SNX18: variants seen among roughly 807,000 people sequenced by gnomAD.
SNX18 encodes sorting nexin 18.
Under a neutral mutation model 48.7 loss-of-function variants are expected in SNX18, and 35 were observed. The ratio of observed to expected loss-of-function variants is 0.72; its 90% CI spans 0.55 to 0.95. The LOEUF (loss-of-function observed/expected upper bound fraction) is 0.95, where lower values mean the gene tolerates loss of function less well. Among genes scored for constraint, SNX18 ranks in the 40% least tolerant of loss-of-function variants. The pLI is 0.00. For synonymous variants in SNX18, 492 were observed against 384.7 expected (o/e 1.28, Z -3.26); for missense variants, 824 against 871.0 (o/e 0.95, Z 0.68).
At chr5:54,527,758 T>A (rs1258972165) in intron 1 of SNX18, among the ~76,000 whole-genome samples, 1 of 152,228 alleles carries the variant, frequency 6.6e-6, no homozygotes, top group Non-Finnish European at 1.5e-5. Context: ...AGCTGTTAAC[T>A]ACTGTTTTAT....
At chr5:54,538,624 A>G (rs763064537) in intron 1 of SNX18, among the ~76,000 whole-genome samples, 7 of 152,218 alleles carry the variant, frequency 4.6e-5, no homozygotes, top group Non-Finnish European at 1.0e-4. Context: ...GAAAAGATGT[A>G]TATATTTTAA....
chr5:54,611,884 T>C, the SNX18 span, among the ~76,000 whole-genome samples: 6 of 151,100 alleles, frequency 4.0e-5, no homozygotes, highest in South Asian at 2.1e-4. Flanking sequence ...TCTTCTTCTT[T>C]TTTTTTAATT....
In SNX18 at chr5:54,518,851, T is replaced by C. The variant is rs1169751081; in HGVS notation, c.899T>C (p.Leu300Pro). The change falls in exon 1 of 2, where the codon CTG (leucine) becomes CCG (proline). Residue 300 changes from leucine to proline, a missense_variant. Coordinates refer to ENST00000381410, the MANE Select transcript of SNX18 (RefSeq NM_001102575.2). ...ATGAAGAGCTACATCTCCTACAAGC[T>C]GGTGCCCACGCACACGCAGGTGCCG... is the stretch of plus-strand genomic sequence containing the variant. ...KGMKSYISYK[L>P]VPTHTQVPVH... 6.2e-7 allele frequency: 1 copy of C among 1,612,614 alleles called. No homozygotes were observed. The highest frequency in any genetic ancestry group is 8.5e-7 in the Non-Finnish European group (1 of 1,179,124).
intron 1 of SNX18, among the ~76,000 whole-genome samples, chr5:54,528,139 T>TACACACAC (rs10554517): frequency 6.7e-6 from 1 of 150,134 alleles, no homozygotes; most frequent in Non-Finnish European, 1.5e-5. Context: ...TACACGCACA[T>TACACACAC]ACACACACAC....
At chr5:54,531,296 G>A (rs1762250127) in intron 1 of SNX18, among the ~76,000 whole-genome samples, 2 of 152,082 alleles carry the variant, frequency 1.3e-5, no homozygotes, top group African/African-American at 4.8e-5. Context: ...TACCTTAGAG[G>A]TTTTAAGTTT....
chr5:54,561,494 C>T, the SNX18 span, among the ~76,000 whole-genome samples: 2,355 of 148,496 alleles, frequency 0.016, 58 homozygotes, highest in African/African-American at 0.056. Context: ...CACACCGGCA[C>T]GCCCAGCTAA....
At chr5:54,618,620 G>A in the SNX18 span, among the ~76,000 whole-genome samples, 3 of 152,194 alleles carry the variant, frequency 2.0e-5, no homozygotes. Context: ...TTAAATAAAT[G>A]TGCAGTTTTC....
At chr5:54,624,335 C>T in the SNX18 span, among the ~76,000 whole-genome samples, 30 of 152,292 alleles carry the variant, frequency 2.0e-4, no homozygotes, top group African/African-American at 7.0e-4. Flanking sequence ...GGGGTTTGGG[C>T]TCCAGGGGTT....
the SNX18 span, among the ~76,000 whole-genome samples, chr5:54,606,721 T>A: frequency 6.6e-6 from 1 of 152,240 alleles, no homozygotes; most frequent in Non-Finnish European, 1.5e-5. Context: ...TTTCTCCCAA[T>A]GTAACATTTT....
intron 1 of SNX18, among the ~76,000 whole-genome samples, chr5:54,537,553 T>C (rs1580106295): frequency 6.6e-6 from 1 of 152,338 alleles, no homozygotes; most frequent in Non-Finnish European, 1.5e-5. Context: ...GTGGGATCTT[T>C]TGTTTGTTCT....
intron 1 of SNX18, among the ~76,000 whole-genome samples, chr5:54,522,191 A>G (rs1226973514): frequency 6.6e-6 from 1 of 152,222 alleles, no homozygotes; most frequent in Non-Finnish European, 1.5e-5. Context: ...ATGCTAGTGT[A>G]GGCCATTTTT....
At chr5:54,582,211 G>A in the SNX18 span, among the ~76,000 whole-genome samples, 1 of 152,118 alleles carries the variant, frequency 6.6e-6, no homozygotes, top group African/African-American at 2.4e-5. Flanking sequence ...AACAGATTAC[G>A]GTTGGCTAGT....
the SNX18 span, among the ~76,000 whole-genome samples, chr5:54,585,698 A>C: frequency 7.2e-5 from 11 of 152,088 alleles, no homozygotes; most frequent in Non-Finnish European, 5.9e-5. Flanking sequence ...CTTCCAACAG[A>C]GGTGGCTTAA....
At chr5:54,583,486 G>A in the SNX18 span, among the ~76,000 whole-genome samples, 4 of 152,208 alleles carry the variant, frequency 2.6e-5, no homozygotes, top group African/African-American at 7.2e-5. Context: ...TCAGTCACTT[G>A]TTATTGACAG....
the SNX18 span, among the ~76,000 whole-genome samples, chr5:54,558,689 A>G: frequency 6.6e-6 from 1 of 152,182 alleles, no homozygotes; most frequent in Non-Finnish European, 1.5e-5. Context: ...TTGGGAATAA[A>G]AGTAAAATCA....
chr5:54,562,723 T>A, the SNX18 span, among the ~76,000 whole-genome samples: 1 of 152,206 alleles, frequency 6.6e-6, no homozygotes, highest in East Asian at 1.9e-4. Context: ...TACTATACGT[T>A]TTATGGTTAT....
chr5:54,519,994 G>A (rs776287588), intron 1 of SNX18: 19 of 625,732 alleles, frequency 3.0e-5, no homozygotes, highest in Non-Finnish European at 4.7e-5. Context: ...GGAGAAGAAC[G>A]GATGTCTGTA....
At chr5:54,632,782 T>A in the SNX18 span, among the ~76,000 whole-genome samples, 1 of 152,118 alleles carries the variant, frequency 6.6e-6, no homozygotes, top group Non-Finnish European at 1.5e-5. Flanking sequence ...TTATTTTTTT[T>A]ATTTTTTTTT....
At chr5:54,621,022 A>C in the SNX18 span, among the ~76,000 whole-genome samples, 3 of 152,314 alleles carry the variant, frequency 2.0e-5, no homozygotes, top group African/African-American at 7.2e-5. Flanking sequence ...AGTCCATAAC[A>C]GTTGGCGATA....
Sources: gnomAD v4.1 joint callset for allele counts (sites outside exome capture counted in the v4.1 genomes callset) on GRCh38, gnomAD v4.1.1 for gene constraint, MANE v1.5 for transcripts, NCBI Gene and HGNC (gene_info 2026-07-23, HGNC 2026-07-21) for gene names.